PARP15: variants seen among roughly 807,000 people sequenced by gnomAD.
The protein encoded by PARP15 is protein mono-ADP-ribosyltransferase PARP15.
PARP15 carries 50 observed loss-of-function variants against 62.1 expected under a neutral mutation model. The ratio of observed to expected loss-of-function variants is 0.81; its 90% confidence interval spans 0.64 to 1.02. PARP15 has a LOEUF of 1.02. Ranked by LOEUF, PARP15 falls within the 50% of genes least tolerant of loss-of-function variation. The pLI is 0.00. For synonymous variants in PARP15, 309 were observed against 293.1 expected, an observed-to-expected ratio of 1.05 and a Z score of -0.55; for missense variants, 820 against 826.5, an observed-to-expected ratio of 0.99 and a Z score of 0.10.
At chr3:122,605,153 G>C (rs143964719) in intron 1 of PARP15, among the ~76,000 whole-genome samples, 1 of 152,138 alleles carries the variant, frequency 6.6e-6, no homozygotes, top group African/African-American at 2.4e-5. Flanking sequence ...GGGAGGCAAG[G>C]TTGCTGCTGT....
intron 8 of PARP15, among the ~76,000 whole-genome samples, chr3:122,625,714 A>G (rs1034979295): frequency 6.6e-6 from 1 of 152,216 alleles, no homozygotes; most frequent in Non-Finnish European, 1.5e-5. Context: ...CTACGGGTCA[A>G]CCTTGCTGAT....
At chr3:122,617,876 G>A (rs1304097300) in intron 6 of PARP15, among the ~76,000 whole-genome samples, 1 of 152,130 alleles carries the variant, frequency 6.6e-6, no homozygotes, top group Non-Finnish European at 1.5e-5. Flanking sequence ...CTACAGGCAT[G>A]TGCCACCCCC....
chr3:122,589,146 T>TC (rs1342013881), intron 1 of PARP15, among the ~76,000 whole-genome samples: 1 of 152,166 alleles, frequency 6.6e-6, no homozygotes, highest in Non-Finnish European at 1.5e-5. Flanking sequence ...GCGATCAGGG[T>TC]CCCAGCATGG....
At chr3:122,601,340 T>A (rs1934782857) in intron 1 of PARP15, among the ~76,000 whole-genome samples, 1 of 152,162 alleles carries the variant, frequency 6.6e-6, no homozygotes, top group South Asian at 2.1e-4. Context: ...GACAAATGCA[T>A]AATGTCATGT....
intron 2 of PARP15, among the ~76,000 whole-genome samples, chr3:122,608,578 T>G (rs900972554): frequency 6.6e-6 from 1 of 152,186 alleles, no homozygotes; most frequent in Admixed American, 6.5e-5. Flanking sequence ...TCTTTCTACC[T>G]GACCCAATTA....
intron 8 of PARP15, 46 bp downstream of exon 8, chr3:122,621,657 C>A: frequency 6.6e-7 from 1 of 1,510,356 alleles, no homozygotes; most frequent in Non-Finnish European, 8.9e-7. Context: ...GATACAAATT[C>A]CTTTAGAATT....
intron 2 of PARP15, among the ~76,000 whole-genome samples, chr3:122,607,229 G>C (rs1278011665): frequency 6.6e-6 from 1 of 152,206 alleles, no homozygotes; most frequent in Non-Finnish European, 1.5e-5. Context: ...AGTATTATGA[G>C]AGTGATTGGT....
chr3:122,622,849 T>C (rs1431644413), intron 8 of PARP15, among the ~76,000 whole-genome samples: 4 of 152,212 alleles, frequency 2.6e-5, no homozygotes, highest in Non-Finnish European at 2.9e-5. Context: ...ATTTGGGAAG[T>C]ATTAATAGTA....
chr3:122,589,945 G>A (rs140688901), intron 1 of PARP15, among the ~76,000 whole-genome samples: 1 of 146,080 alleles, frequency 6.8e-6, no homozygotes, highest in Non-Finnish European at 1.5e-5. Context: ...GGGTGCAGTG[G>A]CACAATCTTG....
intron 6 of PARP15, 29 bp from the exon 7 acceptor site, chr3:122,619,752 G>A: frequency 6.4e-7 from 1 of 1,550,828 alleles, no homozygotes. Context: ...TCTAACTGAT[G>A]CCTTTTACCA....
intron 1 of PARP15, among the ~76,000 whole-genome samples, chr3:122,580,622 G>A (rs989956468): frequency 2.6e-5 from 4 of 152,148 alleles, no homozygotes; most frequent in Non-Finnish European, 5.9e-5. Context: ...GTCTTTTTGG[G>A]ACTGACATTT....
chr3:122,621,643 G>T lies in PARP15; in HGVS notation c.1231+32G>T, dbSNP rs755861777. The T allele has an allele frequency of 1.9e-6, 3 of 1,544,068 alleles. No homozygotes were observed. In the Admixed American group the frequency reaches 6.3e-5, roughly 32 times the overall value. On this transcript the variant is annotated intron_variant, in intron 8 of 11. Coordinates refer to ENST00000464300, the MANE Select transcript of PARP15 (RefSeq NM_001113523.3). ...AGCTTATCATTCTATAATAAAATTT[G>T]AGTGATACAAATTCCTTTAGAATTA...
Position 122,636,169 on chromosome 3 carries a change from T to A in PARP15, c.*69T>A. 1.4e-6 allele frequency: 2 copies of A among 1,472,788 alleles called. No homozygotes were observed. The highest frequency in any genetic ancestry group is 1.8e-6 in the Non-Finnish European group (2 of 1,082,702). 91.2% of individuals were successfully genotyped at this position (1,472,788 alleles called of 1,614,324 possible). A position where few individuals can be genotyped will look rare whatever the true frequency, so the allele number is the denominator to read the frequency against. On this transcript the variant is annotated 3_prime_UTR_variant, in exon 12 of 12. Transcript: ENST00000464300. Reference sequence around the variant, plus strand: ...AACAACATGCAATCTTTGTCTTTGCTTCTGGCCTGTGTAAGCAGATGAAAG... The same window carrying A: ...AACAACATGCAATCTTTGTCTTTGCATCTGGCCTGTGTAAGCAGATGAAAG...
chr3:122,636,030 C>T lies in PARP15; in HGVS notation c.1967C>T (p.Ser656Phe). 3 of 1,614,104 alleles carry T rather than the reference C, an allele frequency of 1.9e-6. No homozygotes were observed. Among genetic ancestry groups the T allele is most frequent in the East Asian group, 2.2e-5 (1 of 44,888 alleles). ...LFDSVTNNTR[S>F]PKLFVVFFDN... Reference sequence around the variant, plus strand: ...GACTCAGTGACAAACAATACACGATCTCCAAAGCTATTTGTGGTATTCTTT... The same window carrying T: ...GACTCAGTGACAAACAATACACGATTTCCAAAGCTATTTGTGGTATTCTTT... The change falls in exon 12 of 12, where the codon TCT (serine) becomes TTT (phenylalanine). Residue 656 changes from serine to phenylalanine, a missense_variant. Ser to Phe is a radical substitution (Grantham distance 155). Transcript: ENST00000464300.
At chr3:122,580,717 T>C (rs1209499183) in intron 1 of PARP15, among the ~76,000 whole-genome samples, 1 of 152,222 alleles carries the variant, frequency 6.6e-6, no homozygotes, top group Non-Finnish European at 1.5e-5. Flanking sequence ...TAATATTTTA[T>C]ACGTATATAT....
rs1051154207 is a variant in PARP15 at position 122,613,286 on chromosome 3, A to T, written c.771+18A>T. 6.6e-7 allele frequency: 1 copy of T among 1,516,050 alleles called. No homozygotes were observed. Among genetic ancestry groups the T allele is most frequent in the African/African-American group, 1.4e-5 (1 of 72,188 alleles). 93.9% of individuals were successfully genotyped at this position (1,516,050 alleles called of 1,614,324 possible). On this transcript the variant is annotated intron_variant, in intron 4 of 11. Transcript: ENST00000464300. ...GCTGTCAGGTATGGTTACATATCCC[A>T]TCTGGTTAATTCTGGCAAGTGAACC...
intron 8 of PARP15, among the ~76,000 whole-genome samples, chr3:122,622,180 C>A (rs1047170552): frequency 6.6e-6 from 1 of 152,122 alleles, no homozygotes; most frequent in African/African-American, 2.4e-5. Context: ...TTCATTTTTT[C>A]TCCTTGGGGG....
In PARP15 at chr3:122,621,611, G is replaced by A; in HGVS notation, c.1231G>A (p.Gly411Arg). The change falls in exon 8 of 12, where the codon GGA (glycine) becomes AGA (arginine). Residue 411 changes from glycine (G) to arginine (R), a missense_variant and splice_region_variant. By Grantham distance (125) the Gly-to-Arg change is moderately radical. Transcript: ENST00000464300. ...TSVSLPAIGT[G>R]NAGKNPITVA... ...GGTTTCCCTTCCAGCCATTGGAACA[G>A]GTTTGCAGCTTATCATTCTATAATA... 1 of 1,579,246 alleles carries A rather than the reference G, an allele frequency of 6.3e-7. No individual in the cohort carries two copies. Among genetic ancestry groups the A allele is most frequent in the Non-Finnish European group, 8.6e-7 (1 of 1,167,350 alleles).
At chr3:122,596,533 T>G (rs1174688213) in intron 1 of PARP15, among the ~76,000 whole-genome samples, 1 of 152,156 alleles carries the variant, frequency 6.6e-6, no homozygotes, top group African/African-American at 2.4e-5. Flanking sequence ...TTGACTCTTC[T>G]GTTTCTCTCA....
Sources: gnomAD v4.1 joint callset for allele counts (sites outside exome capture counted in the v4.1 genomes callset) on GRCh38, gnomAD v4.1.1 for gene constraint, MANE v1.5 for transcripts, NCBI Gene and HGNC (gene_info 2026-07-23, HGNC 2026-07-21) for gene names.